Variants in NEIL2 observed in about 807,000 individuals in gnomAD.
The protein encoded by NEIL2 is endonuclease 8-like 2.
NEIL2 carries 23 observed loss-of-function variants against 22.2 expected under a neutral mutation model. That is an observed-to-expected ratio of 1.04 (90% CI 0.75 to 1.47). The LOEUF (loss-of-function observed/expected upper bound fraction) is 1.47. NEIL2 is among the 40% of genes most tolerant of loss of function. The probability of loss-of-function intolerance (pLI) is 0.00; values close to 1 mark genes in which losing one functional copy is unlikely to be tolerated. For synonymous variants in NEIL2, 229 were observed against 164.8 expected, an observed-to-expected ratio of 1.39 and a Z score of -2.99; for missense variants, 583 against 404.7, an observed-to-expected ratio of 1.44 and a Z score of -3.78.
At chr8:11,771,954 C>A (rs1425229690) in intron 2 of NEIL2, among the ~76,000 whole-genome samples, 1 of 152,110 alleles carries the variant, frequency 6.6e-6, no homozygotes, top group African/African-American at 2.4e-5. Flanking sequence ...CCTGTAATCC[C>A]AGCACTTTGG....
At chr8:11,772,550 A>C (rs538041373) in intron 2 of NEIL2, among the ~76,000 whole-genome samples, 2 of 152,148 alleles carry the variant, frequency 1.3e-5, no homozygotes, top group African/African-American at 4.8e-5. Context: ...AGGAGACTCC[A>C]TCTCTGTGCT....
At chr8:11,783,060 T>A in intron 3 of NEIL2, 143 bp from the exon 4 acceptor site, 4 of 749,590 alleles carry the variant, frequency 5.3e-6, no homozygotes. Context: ...TGTCTGTATG[T>A]GTGTATGATC....
At chr8:11,778,060 T>A (rs4840581) in intron 2 of NEIL2, among the ~76,000 whole-genome samples, 1 of 152,032 alleles carries the variant, frequency 6.6e-6, no homozygotes, top group Admixed American at 6.6e-5. Flanking sequence ...AATTAATGAT[T>A]AGTGAATTGA....
intron 1 of NEIL2, among the ~76,000 whole-genome samples, chr8:11,770,898 C>G (rs1585730799): frequency 6.6e-6 from 1 of 152,292 alleles, no homozygotes; most frequent in African/African-American, 2.4e-5. Context: ...GGGGGTCTCA[C>G]TTATGATTCT....
chr8:11,774,208 C>T (rs951336405), intron 2 of NEIL2, among the ~76,000 whole-genome samples: 1 of 152,138 alleles, frequency 6.6e-6, no homozygotes, highest in African/African-American at 2.4e-5. Flanking sequence ...AACCCCATCT[C>T]TACTAAAGAT....
chr8:11,775,247 T>A (rs1469620599), intron 2 of NEIL2, among the ~76,000 whole-genome samples: 2 of 152,238 alleles, frequency 1.3e-5, no homozygotes, highest in Non-Finnish European at 2.9e-5. Flanking sequence ...AAACCTCCAT[T>A]CTTAACTTCT....
intron 2 of NEIL2, among the ~76,000 whole-genome samples, chr8:11,777,553 C>T (rs937192715): frequency 6.6e-6 from 1 of 152,168 alleles, no homozygotes; most frequent in African/African-American, 2.4e-5. Flanking sequence ...CTCCCTGCAG[C>T]CCCTGGCAAT....
Position 11,771,454 on chromosome 8 carries a change from G to A in NEIL2, c.7G>A (p.Glu3Lys), listed in dbSNP as rs546439849. Residue 3 changes from glutamate (E) to lysine (K), a missense_variant, in exon 2 of 5, where the codon GAA (glutamate) becomes AAA (lysine). Transcript: ENST00000284503. Reference sequence around the variant, plus strand: ...CCCATTTCTGCCCACAGGGATGCCAGAAGGGCCGTTGGTGAGGAAATTTCA... The same window carrying A: ...CCCATTTCTGCCCACAGGGATGCCAAAAGGGCCGTTGGTGAGGAAATTTCA... MP[E>K]GPLVRKFHHL... 1.2e-6 allele frequency: 2 copies of A among 1,613,776 alleles called. No individual in the cohort carries two copies. The highest frequency in any genetic ancestry group is 1.1e-5 in the South Asian group (1 of 91,076).
chr8:11,778,759 C>G (rs1804125282), intron 2 of NEIL2, among the ~76,000 whole-genome samples: 1 of 151,988 alleles, frequency 6.6e-6, no homozygotes, highest in Admixed American at 6.6e-5. Context: ...CGAGACCAGC[C>G]TTGCTAACGT....
In NEIL2 at chr8:11,786,271, T is replaced by G. The variant is rs2130557913; in HGVS notation, c.997T>G (p.Ter333GluextTer18). 1 of 1,610,912 alleles carries G rather than the reference T, an allele frequency of 6.2e-7. No individual in the cohort carries two copies. Among genetic ancestry groups the G allele is most frequent in the Non-Finnish European group, 8.5e-7 (1 of 1,179,550 alleles). Residue 333 changes from the stop codon to glutamate (E), a stop_lost, in exon 5 of 5, where the codon TAA becomes GAA. Transcript: ENST00000284503. ...GGAGCCAGAGCAGTGCCAGTTCTCCTAAGGAGCTGGTGGTGCTCCTCACGG... is the reference window on the plus strand; with the variant it reads ...GGAGCCAGAGCAGTGCCAGTTCTCCGAAGGAGCTGGTGGTGCTCCTCACGG... Reference protein sequence around the residue: ...SEEPEQCQFS* With the variant: ...SEEPEQCQFSE
In NEIL2 at chr8:11,783,313, T is replaced by G; in HGVS notation, c.602T>G (p.Phe201Cys). ...TPTCDILSEK[F>C]HRGQALEALG... ...ACCTGTGACATCCTGTCTGAGAAGTTCCATCGAGGACAAGCCTTAGAAGCT... is the reference window on the plus strand; with the variant it reads ...ACCTGTGACATCCTGTCTGAGAAGTGCCATCGAGGACAAGCCTTAGAAGCT... The change falls in exon 4 of 5, where the codon TTC becomes TGC. Residue 201 changes from phenylalanine (F) to cysteine (C), a missense_variant. Physicochemically the swap from Phe to Cys is radical, Grantham distance 205. Transcript: ENST00000284503. 1 of 1,614,230 alleles carries G rather than the reference T, an allele frequency of 6.2e-7. No homozygotes were observed. The highest frequency in any genetic ancestry group is 8.5e-7 in the Non-Finnish European group (1 of 1,180,032).
chr8:11,784,079 G>C (rs887730996), intron 4 of NEIL2, among the ~76,000 whole-genome samples: 2 of 152,218 alleles, frequency 1.3e-5, no homozygotes, highest in Admixed American at 6.5e-5. Flanking sequence ...CCCAAAATTG[G>C]TTGCTGAAGC....
chr8:11,771,839 C>A (rs1461706210), intron 2 of NEIL2, among the ~76,000 whole-genome samples: 2 of 152,182 alleles, frequency 1.3e-5, no homozygotes, highest in Admixed American at 1.3e-4. Flanking sequence ...CCTATTCTCT[C>A]CGGCCGCAGC....
chr8:11,785,398 G>A (rs1023190740), intron 4 of NEIL2, among the ~76,000 whole-genome samples: 6 of 151,912 alleles, frequency 3.9e-5, no homozygotes, highest in African/African-American at 7.3e-5. Context: ...GTTTCACCAT[G>A]TTGTCCAGGC....
At position 11,786,580 on chromosome 8, in the gene NEIL2, C is replaced by G. The variant is rs1208453623; in HGVS notation, c.*307C>G. 2.3e-6 allele frequency: 1 copy of G among 442,910 alleles called. No individual in the cohort carries two copies. Among genetic ancestry groups the G allele is most frequent in the Non-Finnish European group, 4.2e-6 (1 of 240,922 alleles). 27.4% of individuals were successfully genotyped at this position (442,910 alleles called of 1,614,324 possible). A position where few individuals can be genotyped will look rare whatever the true frequency, so the allele number is the denominator to read the frequency against. On this transcript the variant is annotated 3_prime_UTR_variant, in exon 5 of 5. Coordinates refer to ENST00000284503, the MANE Select transcript of NEIL2 (RefSeq NM_145043.4). The stretch of plus-strand genomic sequence containing the variant: ...GGCAATGGGGCAAGGAAAAAGAAAG[C>G]CTATGGGAAATGGCTGTGCTCCCAA...
chr8:11,777,669 A>G (rs957914123), intron 2 of NEIL2, among the ~76,000 whole-genome samples: 4 of 152,074 alleles, frequency 2.6e-5, no homozygotes, highest in African/African-American at 9.7e-5. Flanking sequence ...TTCACTTAGT[A>G]TAAAGTCCTC....
intron 4 of NEIL2, among the ~76,000 whole-genome samples, chr8:11,784,568 C>T (rs569416110): frequency 1.3e-5 from 2 of 152,310 alleles, no homozygotes; most frequent in African/African-American, 4.8e-5. Flanking sequence ...GAATTTCCTT[C>T]ACCCACTCAC....
chr8:11,782,561 AG>A, intron 3 of NEIL2: 1 of 166,598 alleles, frequency 6.0e-6, no homozygotes, highest in East Asian at 1.4e-4. Context: ...TCTAACACAA[AG>A]CTTGTTCTAT....
chr8:11,780,011 G>C (rs1804275609), intron 3 of NEIL2, 61 bp downstream of exon 3: 1 of 1,449,584 alleles, frequency 6.9e-7, no homozygotes, highest in South Asian at 1.2e-5. Context: ...TGCTTGGTGG[G>C]GTTTGGGACT....
Sources: gnomAD v4.1 joint callset for allele counts (sites outside exome capture counted in the v4.1 genomes callset) on GRCh38, gnomAD v4.1.1 for gene constraint, MANE v1.5 for transcripts, NCBI Gene and HGNC (gene_info 2026-07-23, HGNC 2026-07-21) for gene names.